The following ARPIN variants were observed in gnomAD, a reference collection of about 807,000 sequenced individuals.
ARPIN encodes the protein actin related protein 2/3 complex inhibitor, also known as UPF0552 protein C15orf38.
In ARPIN, 23 loss-of-function variants were observed where a neutral mutation model predicts 25.9. That is an observed-to-expected ratio of 0.89 (90% CI 0.64 to 1.26). The LOEUF (loss-of-function observed/expected upper bound fraction) is 1.26. Ranked by LOEUF, ARPIN falls within the 50% of genes most tolerant of loss-of-function variation. The probability of loss-of-function intolerance (pLI) is 0.00; values close to 1 mark genes in which losing one functional copy is unlikely to be tolerated. For synonymous variants in ARPIN, 126 were observed against 131.4 expected (o/e 0.96, Z 0.28); for missense variants, 333 against 312.2 (o/e 1.07, Z -0.50).
At chr15:89,905,313 C>T (rs575879933) in intron 3 of ARPIN, among the ~76,000 whole-genome samples, 8 of 152,078 alleles carry the variant, frequency 5.3e-5, no homozygotes, top group East Asian at 3.9e-4. Flanking sequence ...TGAGCCACCA[C>T]GCCCAGCCAT....
Position 89,903,246 on chromosome 15 carries a change from C to A in ARPIN, c.642G>T (p.Glu214Asp). The A allele has an allele frequency of 6.2e-7, 1 of 1,614,266 alleles. No homozygotes were observed. The highest frequency in any genetic ancestry group is 2.2e-5 in the East Asian group (1 of 44,882). ...CCTCGTCCTCTGCCCCATCCCCCTG[C>A]TCTCGGATCTCCGCTGCAGCCCCCT... ...CSKGAAAEIR[E>D]QGDGAEDEEW... Residue 214 changes from glutamate to aspartate, a missense_variant, in exon 5 of 6, where the codon GAG becomes GAT. Glu to Asp is a conservative substitution (Grantham distance 45). Coordinates refer to ENST00000357484, the MANE Select transcript of ARPIN (RefSeq NM_182616.4).
intron 5 of ARPIN, chr15:89,902,928 C>T: frequency 7.4e-7 from 1 of 1,353,480 alleles, no homozygotes; most frequent in Non-Finnish European, 9.5e-7. Context: ...TGTTTTGAGA[C>T]TTAATGACCA....
Position 89,896,460 on chromosome 15 carries a change from G to C in ARPIN, c.*5335C>G, listed in dbSNP as rs1490243157. 1 of 152,156 alleles carries C rather than the reference G, an allele frequency of 6.6e-6. No homozygotes were observed. The allele number at this position is 152,156 out of a possible 1,614,324, so 9.4% of individuals were successfully genotyped here. A position where few individuals can be genotyped will look rare whatever the true frequency, so the allele number is the denominator to read the frequency against. ...TCAGTAAATACTATTAGGATAACTGGTTAGCAATTTGAAAATAAGTAGTTA... is the reference window on the plus strand; with the variant it reads ...TCAGTAAATACTATTAGGATAACTGCTTAGCAATTTGAAAATAAGTAGTTA... On this transcript the variant is annotated 3_prime_UTR_variant, in exon 6 of 6. Coordinates refer to ENST00000357484, the MANE Select transcript of ARPIN (RefSeq NM_182616.4).
At chr15:89,905,943 T>C (rs760689031) in intron 3 of ARPIN, among the ~76,000 whole-genome samples, 1 of 152,074 alleles carries the variant, frequency 6.6e-6, no homozygotes, top group Non-Finnish European at 1.5e-5. Flanking sequence ...AAACTCAGTG[T>C]GTTCCAAACA....
intron 4 of ARPIN, 80 bp downstream of exon 4, chr15:89,903,697 A>T (rs1297909651): frequency 3.2e-6 from 5 of 1,569,522 alleles, no homozygotes; most frequent in Non-Finnish European, 4.3e-6. Context: ...TGCTCCCATG[A>T]GCTCTAGGCA....
At chr15:89,909,986 G>A (rs1001828556) in intron 2 of ARPIN, among the ~76,000 whole-genome samples, 1 of 152,234 alleles carries the variant, frequency 6.6e-6, no homozygotes, top group African/African-American at 2.4e-5. Flanking sequence ...CATCAGCATG[G>A]AGACACTGCT....
rs2141917571 is a variant in ARPIN at position 89,901,696 on chromosome 15, T to C, written c.*99A>G. 6.9e-7 allele frequency: 1 copy of C among 1,450,098 alleles called. No homozygotes were observed. The highest frequency in any genetic ancestry group is 9.6e-7 in the Non-Finnish European group (1 of 1,037,930). 89.8% of individuals were successfully genotyped at this position (1,450,098 alleles called of 1,614,324 possible). A position where few individuals can be genotyped will look rare whatever the true frequency, so the allele number is the denominator to read the frequency against. The stretch of plus-strand genomic sequence containing the variant: ...CTATGGGGAAGAACCAGGTAAGACT[T>C]GGCAGACTGTTCTCTCCAGCTCCAG... On this transcript the variant is annotated 3_prime_UTR_variant, in exon 6 of 6. Transcript: ENST00000357484.
At chr15:89,902,037 C>T (rs978032303) in intron 5 of ARPIN, among the ~76,000 whole-genome samples, 1 of 152,154 alleles carries the variant, frequency 6.6e-6, no homozygotes, top group African/African-American at 2.4e-5. Flanking sequence ...TCTGCGTGCG[C>T]CTGCTTTCTC....
In ARPIN at chr15:89,901,598, G is replaced by T; in HGVS notation, c.*197C>A. The T allele has an allele frequency of 1.6e-6, 1 of 627,576 alleles. No individual in the cohort carries two copies. 38.9% of individuals were successfully genotyped at this position (627,576 alleles called of 1,614,324 possible). On this transcript the variant is annotated 3_prime_UTR_variant, in exon 6 of 6. Transcript: ENST00000357484. ...AGGGGCCCTCCCTGAGCCACAGCAT[G>T]AGGCCCCACCACCAACACAGTGGTC... is the stretch of plus-strand genomic sequence containing the variant.
In ARPIN at chr15:89,903,948, G is replaced by C; in HGVS notation, c.337C>G (p.Pro113Ala). 1 of 1,610,440 alleles carries C rather than the reference G, an allele frequency of 6.2e-7. No individual in the cohort carries two copies. Among genetic ancestry groups the C allele is most frequent in the East Asian group, 2.2e-5 (1 of 44,860 alleles). ...TTGACCAGCCCCTTCAGCGCCTCGG[G>C]CGTGAGCCTGTCAGTGTCCCCCTTG... ...EAKGDTDRLT[P>A]EALKGLVNKP... Residue 113 changes from proline (P) to alanine (A), a missense_variant, in exon 4 of 6, where the codon CCC (proline) becomes GCC (alanine). Pro to Ala is a conservative substitution (Grantham distance 27). Coordinates refer to ENST00000357484, the MANE Select transcript of ARPIN (RefSeq NM_182616.4).
chr15:89,903,133 T>A, intron 5 of ARPIN, 83 bp downstream of exon 5: 6 of 1,613,350 alleles, frequency 3.7e-6, no homozygotes. Context: ...CATCCTGTCG[T>A]CTTCTCATCC....
rs1206391440 is a variant in ARPIN at position 89,904,132 on chromosome 15, G to A, written c.302-149C>T. 5.0e-6 allele frequency: 5 copies of A among 995,968 alleles called. No homozygotes were observed. The African/African-American group carries it at 8.1e-5, about 16-fold the overall frequency. 61.7% of individuals were successfully genotyped at this position (995,968 alleles called of 1,614,324 possible). A position where few individuals can be genotyped will look rare whatever the true frequency, so the allele number is the denominator to read the frequency against. On this transcript the variant is annotated intron_variant, in intron 3 of 5. Coordinates refer to ENST00000357484, the MANE Select transcript of ARPIN (RefSeq NM_182616.4). Reference sequence around the variant, plus strand: ...TGCCCATTCTGCGAGTCCTCATCAAGGAACTCCACAGCAGAGGCGGACAGG... The same window carrying A: ...TGCCCATTCTGCGAGTCCTCATCAAAGAACTCCACAGCAGAGGCGGACAGG...
Position 89,895,354 on chromosome 15 carries a change from A to C in ARPIN, c.*6441T>G, listed in dbSNP as rs909366849. ...TTTGCTCAAGATTGGAGGCAAATAC[A>C]CCAAAATATGAATCATGTATCTGAT... On this transcript the variant is annotated 3_prime_UTR_variant, in exon 6 of 6. Coordinates refer to ENST00000357484, the MANE Select transcript of ARPIN (RefSeq NM_182616.4). 6.6e-6 allele frequency: 1 copy of C among 152,198 alleles called. No individual in the cohort carries two copies. The highest frequency in any genetic ancestry group is 1.5e-5 in the Non-Finnish European group (1 of 68,048). 9.4% of individuals were successfully genotyped at this position (152,198 alleles called of 1,614,324 possible). A position where few individuals can be genotyped will look rare whatever the true frequency, so the allele number is the denominator to read the frequency against.
At position 89,912,884 on chromosome 15, in the gene ARPIN, G is replaced by C; in HGVS notation, c.-49C>G. On this transcript the variant is annotated 5_prime_UTR_variant, in exon 1 of 6. Transcript: ENST00000357484. ...GGCACAGAGCCGGCGCACTGGGCTG[G>C]GGGCGCGGCGCGGGAAGTGCTGCAG... 1 of 1,475,690 alleles carries C rather than the reference G, an allele frequency of 6.8e-7. No homozygotes were observed. The highest frequency in any genetic ancestry group is 2.9e-5 in the East Asian group (1 of 34,682). The allele number at this position is 1,475,690 out of a possible 1,614,324, so 91.4% of individuals were successfully genotyped here.
intron 5 of ARPIN, 79 bp downstream of exon 5, chr15:89,903,137 C>G: frequency 1.2e-6 from 2 of 1,613,708 alleles, no homozygotes; most frequent in South Asian, 1.1e-5. Flanking sequence ...CTGTCGTCTT[C>G]TCATCCTACC....
In ARPIN at chr15:89,903,905, G is replaced by A. The variant is rs771675221; in HGVS notation, c.380C>T (p.Ala127Val). 41 of 1,613,536 alleles carry A rather than the reference G, an allele frequency of 2.5e-5. No homozygotes were observed. The highest frequency in any genetic ancestry group is 3.1e-5 in the Non-Finnish European group (36 of 1,180,046). ...GTCGGGGGTGAGGCTCTCTGTCAGC[G>A]CGAGCAGCTCTGGCTTGTTGACCAG... is the stretch of plus-strand genomic sequence containing the variant. ...KGLVNKPELL[A>V]LTESLTPDHT... Residue 127 changes from alanine (A) to valine (V), a missense_variant, in exon 4 of 6, where the codon GCG becomes GTG. Ala to Val is a moderately conservative substitution (Grantham distance 64). Transcript: ENST00000357484.
At chr15:89,908,437 A>AG in intron 2 of ARPIN, 25 bp from the exon 3 acceptor site, 3 of 1,613,082 alleles carry the variant, frequency 1.9e-6, no homozygotes, top group South Asian at 2.2e-5. Context: ...ACAGAGAGTG[A>AG]GGGGGCGGCT....
intron 5 of ARPIN, chr15:89,902,892 G>A (rs74652465): frequency 3.9e-6 from 5 of 1,266,846 alleles, no homozygotes; most frequent in Non-Finnish European, 5.0e-6. Flanking sequence ...CCTCAGCATG[G>A]TTAATGTATT....
rs946010994 is a variant in ARPIN at position 89,896,099 on chromosome 15, G to C, written c.*5696C>G. 6.6e-6 allele frequency: 1 copy of C among 152,248 alleles called. No individual in the cohort carries two copies. Among genetic ancestry groups the C allele is most frequent in the African/African-American group, 2.4e-5 (1 of 41,454 alleles). The allele number at this position is 152,248 out of a possible 1,614,324, so 9.4% of individuals were successfully genotyped here. ...AGATGGGGTTTCACCACATTGGCCA[G>C]TCTGGTCTCAAACTCCTGACCTCAA... On this transcript the variant is annotated 3_prime_UTR_variant, in exon 6 of 6. Transcript: ENST00000357484.
Sources: allele counts gnomAD v4.1 joint callset (sites outside exome capture counted in the v4.1 genomes callset), GRCh38; gene constraint gnomAD v4.1.1; transcripts MANE v1.5; gene names NCBI Gene and HGNC (gene_info 2026-07-23, HGNC 2026-07-21).